Variants in MGAT4C observed in about 807,000 individuals in gnomAD.
MGAT4C encodes the protein alpha-1,3-mannosyl-glycoprotein 4-beta-N-acetylglucosaminyltransferase C.
In MGAT4C, 19 loss-of-function variants were observed where a neutral mutation model predicts 40.1. That is an observed-to-expected ratio of 0.47 (90% CI 0.33 to 0.70). MGAT4C has a LOEUF of 0.70. MGAT4C is among the 30% of genes least tolerant of loss of function. The pLI is 0.02. For missense variants in MGAT4C, 491 were observed against 563.2 expected (o/e 0.87, Z 1.30); for synonymous variants, 181 against 187.1 (o/e 0.97, Z 0.27).
chr12:86,049,661 CAT>C lies in MGAT4C; in HGVS notation c.-7+11_-7+12del. 1.0e-6 allele frequency: 1 copy of C among 978,006 alleles called. No individual in the cohort carries two copies. The highest frequency in any genetic ancestry group is 4.7e-5 in the South Asian group (1 of 21,122). The allele number at this position is 978,006 out of a possible 1,614,324, so 60.6% of individuals were successfully genotyped here. ...TACCTTAGAATACTACCATGAATGACATAGAATCTCACCTTAAGAAAGACGCT... is the reference window on the plus strand; with the variant it reads ...TACCTTAGAATACTACCATGAATGACAGAATCTCACCTTAAGAAAGACGCT... On this transcript the variant is annotated intron_variant, in intron 2 of 4. Transcript: ENST00000611864.
rs1052377642 is a variant in MGAT4C, at chr12:85,966,603, T to G, written c.*12686A>C. 1 of 152,158 alleles carries G rather than the reference T, an allele frequency of 6.6e-6. No individual in the cohort carries two copies. Among genetic ancestry groups the G allele is most frequent in the African/African-American group, 2.4e-5 (1 of 41,460 alleles). The allele number at this position is 152,158 out of a possible 1,614,324, so 9.4% of individuals were successfully genotyped here. ...TTCTATAAAGACACATGCACACGTA[T>G]GTTTATTGCGGCACTATTCACAATA... On this transcript the variant is annotated 3_prime_UTR_variant, in exon 5 of 5. Transcript: ENST00000611864.
At chr12:86,191,996 A>G (rs1436264850) in intron 1 of MGAT4C, among the ~76,000 whole-genome samples, 3 of 149,050 alleles carry the variant, frequency 2.0e-5, no homozygotes, top group Non-Finnish European at 4.5e-5. Flanking sequence ...TCCCAGGGAC[A>G]AAAAACCAAA....
intron 2 of MGAT4C, among the ~76,000 whole-genome samples, chr12:86,716,253 T>G (rs1167262499): frequency 6.6e-6 from 1 of 152,076 alleles, no homozygotes; most frequent in Non-Finnish European, 1.5e-5. Context: ...ACTACTGAAT[T>G]TGTGCCAAAT....
At chr12:86,302,780 G>A (rs988112836) in intron 4 of MGAT4C, among the ~76,000 whole-genome samples, 6 of 150,352 alleles carry the variant, frequency 4.0e-5, no homozygotes, top group Admixed American at 1.3e-4. Flanking sequence ...GATCTCACCC[G>A]ATTCATTTTC....
At chr12:86,779,370 G>A (rs570192617) in intron 1 of MGAT4C, among the ~76,000 whole-genome samples, 1 of 152,126 alleles carries the variant, frequency 6.6e-6, no homozygotes, top group Non-Finnish European at 1.5e-5. Context: ...CAACGTGGGA[G>A]GATCACTTGA....
chr12:86,509,698 A>G (rs1183106869), intron 2 of MGAT4C, among the ~76,000 whole-genome samples: 6 of 151,972 alleles, frequency 3.9e-5, no homozygotes, highest in Admixed American at 6.6e-5. Flanking sequence ...CATGAGCATG[A>G]AATGTTCTTC....
At chr12:86,385,178 G>A (rs1029138744) in intron 3 of MGAT4C, among the ~76,000 whole-genome samples, 2 of 152,104 alleles carry the variant, frequency 1.3e-5, no homozygotes, top group Non-Finnish European at 2.9e-5. Flanking sequence ...AAATCTGACT[G>A]AGTTACATAA....
chr12:86,380,136 C>A (rs1490737139), intron 3 of MGAT4C, among the ~76,000 whole-genome samples: 1 of 152,028 alleles, frequency 6.6e-6, no homozygotes, highest in East Asian at 1.9e-4. Flanking sequence ...TGCTGTAACA[C>A]TGAATACGTT....
chr12:86,039,849 T>G (rs1891631800), intron 2 of MGAT4C, among the ~76,000 whole-genome samples: 1 of 152,224 alleles, frequency 6.6e-6, no homozygotes, highest in Admixed American at 6.5e-5. Context: ...TTTTTCGCTT[T>G]CTTTGTGGAT....
intron 2 of MGAT4C, among the ~76,000 whole-genome samples, chr12:86,711,442 T>C (rs1218958365): frequency 6.6e-6 from 1 of 152,108 alleles, no homozygotes; most frequent in Non-Finnish European, 1.5e-5. Context: ...ATTCAGTCAG[T>C]ATACCAAAAC....
At chr12:86,440,078 C>A (rs571039399) in intron 2 of MGAT4C, among the ~76,000 whole-genome samples, 2 of 152,132 alleles carry the variant, frequency 1.3e-5, no homozygotes, top group South Asian at 4.1e-4. Context: ...CCTACAGAAA[C>A]GATTTCAAAT....
chr12:86,687,315 G>T (rs1302749331), intron 2 of MGAT4C, among the ~76,000 whole-genome samples: 1 of 152,018 alleles, frequency 6.6e-6, no homozygotes, highest in African/African-American at 2.4e-5. Context: ...TTTTTGAAGG[G>T]TTTTTCGTGT....
chr12:86,325,684 C>T (rs1286832910), intron 4 of MGAT4C, among the ~76,000 whole-genome samples: 2 of 152,058 alleles, frequency 1.3e-5, no homozygotes, highest in African/African-American at 4.8e-5. Context: ...TCAAGACCAG[C>T]CTGGGCAATA....
intron 2 of MGAT4C, among the ~76,000 whole-genome samples, chr12:86,706,933 A>G (rs1259784320): frequency 6.6e-6 from 1 of 152,084 alleles, no homozygotes; most frequent in Non-Finnish European, 1.5e-5. Context: ...AAGTCTCATG[A>G]GATGTCATGG....
intron 1 of MGAT4C, among the ~76,000 whole-genome samples, chr12:86,084,790 A>G (rs964120525): frequency 4.6e-5 from 7 of 151,800 alleles, no homozygotes; most frequent in Non-Finnish European, 2.9e-5. Flanking sequence ...TGAATGAAGT[A>G]AGGAAGTCCT....
In MGAT4C at chr12:85,980,062, T is replaced by C. The variant is rs778384478; in HGVS notation, c.664A>G (p.Met222Val). ...FCANTSDYYV[M>V]LEDDVRCSKN... The stretch of plus-strand genomic sequence containing the variant: ...GAACATCGAACATCATCTTCAAGCA[T>C]TACATAATAGTCTGAAGTATTGGCA... The change falls in exon 5 of 5, where the codon ATG (methionine) becomes GTG (valine). Residue 222 changes from methionine (M) to valine (V), a missense_variant. Coordinates refer to ENST00000611864, the MANE Select transcript of MGAT4C (RefSeq NM_001351288.2). 13 of 1,613,658 alleles carry C rather than the reference T, an allele frequency of 8.1e-6. No individual in the cohort carries two copies. Among genetic ancestry groups the C allele is most frequent in the African/African-American group, 1.3e-5 (1 of 74,908 alleles).
chr12:86,049,178 AAGAT>A (rs1892672520), intron 2 of MGAT4C, among the ~76,000 whole-genome samples: 1 of 152,062 alleles, frequency 6.6e-6, no homozygotes, highest in Non-Finnish European at 1.5e-5. Context: ...AATAATAAAG[AAGAT>A]AGAGCAAAAC....
intron 2 of MGAT4C, among the ~76,000 whole-genome samples, chr12:86,029,836 T>C (rs979403641): frequency 6.6e-6 from 1 of 151,802 alleles, no homozygotes; most frequent in East Asian, 1.9e-4. Flanking sequence ...AAAACAACTG[T>C]GAAAGTATAA....
In MGAT4C at chr12:86,498,896, G is replaced by T. The variant is rs79866806; in HGVS notation, c.-228-63631C>A. Among the ~76,000 whole-genome samples, 500 of 152,036 alleles carry T rather than the reference G, an allele frequency of 3.3e-3. 2 individuals are homozygous for T. The highest frequency in any genetic ancestry group is 0.012 in the African/African-American group (483 of 41,538). On this transcript the variant is annotated intron_variant, in intron 2 of 7. Transcript: ENST00000548651. ...AATCACTAGTGATACTGGAAGTACTGCCAAGAAGAGAGAAGTCAAGACATT... is the reference window on the plus strand; with the variant it reads ...AATCACTAGTGATACTGGAAGTACTTCCAAGAAGAGAGAAGTCAAGACATT...
Sources: allele counts gnomAD v4.1 joint callset (sites outside exome capture counted in the v4.1 genomes callset), GRCh38; gene constraint gnomAD v4.1.1; transcripts MANE v1.5; gene names NCBI Gene and HGNC (gene_info 2026-07-23, HGNC 2026-07-21).